The following PLCG2 variants were observed in gnomAD, a reference collection of about 807,000 sequenced individuals.
PLCG2 encodes the protein phospholipase C gamma 2, also known as 1-phosphatidylinositol 4,5-bisphosphate phosphodiesterase gamma-2.
A neutral mutation model predicts 175.6 loss-of-function variants in PLCG2; 69 were observed. That is an observed-to-expected ratio of 0.39 (90% CI 0.32 to 0.48). PLCG2 has a LOEUF of 0.48. PLCG2 is among the 20% of genes least tolerant of loss of function. The pLI is 0.91. For missense variants in PLCG2, 1,798 were observed against 1,650.9 expected (o/e 1.09, Z -1.54); for synonymous variants, 827 against 624.0 (o/e 1.33, Z -4.85).
chr16:81,919,873 A>T (rs1474173821), intron 20 of PLCG2, among the ~76,000 whole-genome samples: 1 of 152,240 alleles, frequency 6.6e-6, no homozygotes, highest in Admixed American at 6.5e-5. Context: ...CATTTAAAAT[A>T]TCCATAGCAT....
intron 31 of PLCG2, among the ~76,000 whole-genome samples, chr16:81,947,122 A>G (rs1047627149): frequency 3.2e-4 from 48 of 152,198 alleles, no homozygotes; most frequent in African/African-American, 1.2e-3. Flanking sequence ...TGTTGTAAAC[A>G]ACCGGAAACA....
chr16:81,923,685 C>G, intron 22 of PLCG2, 91 bp downstream of exon 22: 2 of 742,620 alleles, frequency 2.7e-6, no homozygotes, highest in East Asian at 2.7e-5. Context: ...AAGTCTGACC[C>G]CCTTTGTCAT....
chr16:81,828,314 C>T (rs1251566378), intron 2 of PLCG2, among the ~76,000 whole-genome samples: 8 of 127,910 alleles, frequency 6.3e-5, no homozygotes, highest in Admixed American at 5.6e-4. Context: ...GGTGTGATCT[C>T]GGCTCACTGC....
intron 7 of PLCG2, among the ~76,000 whole-genome samples, chr16:81,878,871 T>C (rs1282628941): frequency 6.6e-6 from 1 of 152,160 alleles, no homozygotes; most frequent in Non-Finnish European, 1.5e-5. Context: ...TCTTTTTCAT[T>C]CTCTGTCCTG....
intron 2 of PLCG2, among the ~76,000 whole-genome samples, chr16:81,799,399 A>G (rs911280416): frequency 6.6e-6 from 1 of 152,206 alleles, no homozygotes; most frequent in African/African-American, 2.4e-5. Flanking sequence ...CCATGTTAGT[A>G]TTATTAACTA....
chr16:81,843,689 C>T (rs1411965921), intron 2 of PLCG2, among the ~76,000 whole-genome samples: 2 of 152,206 alleles, frequency 1.3e-5, no homozygotes, highest in African/African-American at 4.8e-5. Context: ...GGATATTCTT[C>T]TATCCTCCAA....
At chr16:81,817,909 G>A (rs1165200642) in intron 2 of PLCG2, among the ~76,000 whole-genome samples, 3 of 152,204 alleles carry the variant, frequency 2.0e-5, no homozygotes, top group African/African-American at 7.2e-5. Flanking sequence ...TTACTGTTTC[G>A]GGGAGAAGGG....
At chr16:81,777,428 C>A, upstream of PLCG2, among the ~76,000 whole-genome samples, 1 of 140,532 alleles carries the variant, frequency 7.1e-6, no homozygotes, top group Non-Finnish European at 1.5e-5. Flanking sequence ...TAAATACAAG[C>A]TGAAGTTCTA....
intron 20 of PLCG2, among the ~76,000 whole-genome samples, chr16:81,920,956 C>T (rs1462671552): frequency 2.0e-5 from 3 of 152,186 alleles, no homozygotes; most frequent in East Asian, 3.9e-4. Context: ...CAAAGGAACG[C>T]AGTGCCTGGC....
intron 13 of PLCG2, among the ~76,000 whole-genome samples, chr16:81,899,516 C>T (rs540905985): frequency 7.9e-5 from 12 of 152,302 alleles, no homozygotes; most frequent in African/African-American, 2.9e-4. Flanking sequence ...AAATGAGACT[C>T]ATGCGATGCA....
At chr16:81,846,491 C>T (rs887715727) in intron 2 of PLCG2, among the ~76,000 whole-genome samples, 1 of 152,246 alleles carries the variant, frequency 6.6e-6, no homozygotes, top group African/African-American at 2.4e-5. Flanking sequence ...CTCTGCCTAA[C>T]ACAGAGTAGG....
chr16:81,903,939 G>C (rs1351755312), intron 14 of PLCG2, among the ~76,000 whole-genome samples: 1 of 152,162 alleles, frequency 6.6e-6, no homozygotes, highest in Non-Finnish European at 1.5e-5. Flanking sequence ...CGGTCACTTT[G>C]TACCATGCAC....
intron 6 of PLCG2, 81 bp downstream of exon 6, chr16:81,869,379 A>C: frequency 1.0e-6 from 1 of 975,664 alleles, no homozygotes; most frequent in East Asian, 2.4e-5. Context: ...CTTGCCTTTG[A>C]GTTCCGTGGA....
chr16:81,938,504 G>T (rs1256000040), intron 28 of PLCG2: 3 of 433,404 alleles, frequency 6.9e-6, no homozygotes, highest in Non-Finnish European at 1.2e-5. Context: ...GCTCTGCCTT[G>T]ATCAGAGGCA....
At chr16:81,873,461 T>C (rs1201222598) in intron 7 of PLCG2, among the ~76,000 whole-genome samples, 5 of 152,164 alleles carry the variant, frequency 3.3e-5, no homozygotes, top group African/African-American at 1.2e-4. Context: ...AGTGTGCGTA[T>C]GAAATTTGGA....
At chr16:81,812,251 G>A (rs9746892) in intron 2 of PLCG2, among the ~76,000 whole-genome samples, 17,595 of 151,676 alleles carry the variant, frequency 0.12, 1,497 homozygotes, top group African/African-American at 0.25. Flanking sequence ...AAGTTTCACC[G>A]TGTTAGCCAG....
intron 1 of PLCG2, among the ~76,000 whole-genome samples, chr16:81,752,189 C>A (rs1909825835): frequency 6.6e-6 from 1 of 152,138 alleles, no homozygotes; most frequent in Non-Finnish European, 1.5e-5. Flanking sequence ...TTCCCCAACA[C>A]TGCGTCTCAG....
chr16:81,910,634 C>T lies in PLCG2; in HGVS notation c.1848C>T (p.His616=), dbSNP rs200081833. 2.5e-6 allele frequency: 4 copies of T among 1,614,066 alleles called. No individual in the cohort carries two copies. The highest frequency in any genetic ancestry group is 1.7e-5 in the Admixed American group (1 of 60,036). The change falls in exon 18 of 33, where the codon CAC becomes CAT. Residue 616 remains histidine, a synonymous_variant. Coordinates refer to ENST00000564138, the MANE Select transcript of PLCG2 (RefSeq NM_002661.5). ...TFSSIYALIQ[H]YRETHLRCAE... ...GCAGCATCTATGCCCTCATCCAGCA[C>T]TACCGCGAGACGCACCTGCGCTGCG...
chr16:81,750,519 C>T (rs574754681), intron 1 of PLCG2, among the ~76,000 whole-genome samples: 6 of 151,940 alleles, frequency 3.9e-5, no homozygotes, highest in African/African-American at 1.2e-4. Context: ...TCTGCACTGT[C>T]AGGTTCATTG....
Sources: allele counts gnomAD v4.1 joint callset (sites outside exome capture counted in the v4.1 genomes callset), GRCh38; gene constraint gnomAD v4.1.1; transcripts MANE v1.5; gene names NCBI Gene and HGNC (gene_info 2026-07-23, HGNC 2026-07-21).